KANK4: variants seen among roughly 807,000 people sequenced by gnomAD.
KANK4 encodes KN motif and ankyrin repeat domains 4.
A neutral mutation model predicts 80.8 loss-of-function variants in KANK4; 50 were observed. The ratio of observed to expected loss-of-function variants is 0.62; its 90% CI spans 0.49 to 0.78. The LOEUF (loss-of-function observed/expected upper bound fraction) is 0.78. KANK4 is among the 30% of genes least tolerant of loss of function. The pLI, the probability that KANK4 is intolerant of heterozygous loss-of-function variation, is 0.00. For missense variants in KANK4, 1,196 were observed against 1,240.1 expected, an observed-to-expected ratio of 0.96 and a Z score of 0.53; for synonymous variants, 465 against 506.9, an observed-to-expected ratio of 0.92 and a Z score of 1.11.
chr1:62,308,034 C>T (rs775347494), intron 1 of KANK4, among the ~76,000 whole-genome samples: 1 of 152,124 alleles, frequency 6.6e-6, no homozygotes, highest in Non-Finnish European at 1.5e-5. Flanking sequence ...CCCGTATCCA[C>T]CCTGTAGGAT....
chr1:62,284,905 T>G (rs1377685103), intron 1 of KANK4, among the ~76,000 whole-genome samples: 1 of 152,138 alleles, frequency 6.6e-6, no homozygotes, highest in Non-Finnish European at 1.5e-5. Context: ...CATGTCTAAC[T>G]CACGGCAGAC....
intron 1 of KANK4, among the ~76,000 whole-genome samples, chr1:62,286,363 T>C (rs776224479): frequency 3.9e-5 from 6 of 152,254 alleles, no homozygotes; most frequent in Non-Finnish European, 7.3e-5. Context: ...TCCCTGACCT[T>C]GCTGGAAAAG....
intron 6 of KANK4, 96 bp downstream of exon 6, chr1:62,266,636 T>C (rs1187074262): frequency 1.3e-6 from 1 of 779,498 alleles, no homozygotes; most frequent in Non-Finnish European, 2.3e-6. Flanking sequence ...CACCACTGCC[T>C]GCCTCACACC....
At chr1:62,272,717 G>A (rs1055396974) in intron 3 of KANK4, 6 of 152,268 alleles carry the variant, frequency 3.9e-5, no homozygotes, top group Admixed American at 3.3e-4. Flanking sequence ...GGCAAGAGTA[G>A]AGGTCCCGAG....
chr1:62,242,944 TG>T lies in KANK4; in HGVS notation c.2883+4527del, dbSNP rs531546612. Among the ~76,000 whole-genome samples, 100 of 152,300 alleles carry T rather than the reference TG, an allele frequency of 6.6e-4. 1 individual carries two copies. The highest frequency in any genetic ancestry group is 2.3e-3 in the African/African-American group (94 of 41,566). ...TGTCTCACCCTGTGGATGGAGACAC[TG>T]TGCTCCCCAAAGTCACCCTTGGGAA... On this transcript the variant is annotated intron_variant, in intron 9 of 9. Transcript: ENST00000371153.
chr1:62,241,569 G>A (rs1271210901), intron 9 of KANK4, among the ~76,000 whole-genome samples: 1 of 152,224 alleles, frequency 6.6e-6, no homozygotes, highest in African/African-American at 2.4e-5. Context: ...CTGGCCCAGG[G>A]CCTGGCATTT....
At chr1:62,270,888 G>A (rs183981488) in intron 4 of KANK4, among the ~76,000 whole-genome samples, 16 of 152,276 alleles carry the variant, frequency 1.1e-4, no homozygotes, top group African/African-American at 2.9e-4. Context: ...GCTAAAGGCA[G>A]AGACCTTTAT....
At chr1:62,250,381 C>T (rs1297444766) in intron 8 of KANK4, among the ~76,000 whole-genome samples, 2 of 152,222 alleles carry the variant, frequency 1.3e-5, no homozygotes, top group African/African-American at 4.8e-5. Flanking sequence ...CATTGTCCTC[C>T]CGGTCCCTTT....
intron 1 of KANK4, among the ~76,000 whole-genome samples, chr1:62,302,262 G>A (rs937239211): frequency 6.6e-6 from 1 of 151,930 alleles, no homozygotes; most frequent in African/African-American, 2.4e-5. Flanking sequence ...TGGGAAAGGC[G>A]AGCATGTTTG....
intron 2 of KANK4, among the ~76,000 whole-genome samples, chr1:62,278,240 G>C (rs1364225695): frequency 6.6e-6 from 1 of 152,058 alleles, no homozygotes; most frequent in Non-Finnish European, 1.5e-5. Flanking sequence ...GTTAAGGTGA[G>C]AGGAGCTCAA....
At chr1:62,283,291 G>A (rs1672491481) in intron 1 of KANK4, among the ~76,000 whole-genome samples, 1 of 152,140 alleles carries the variant, frequency 6.6e-6, no homozygotes, top group Admixed American at 6.5e-5. Context: ...AGAGCTGGGA[G>A]TACTTGACAT....
intron 1 of KANK4, among the ~76,000 whole-genome samples, chr1:62,305,238 A>G (rs1367847629): frequency 6.6e-6 from 1 of 152,240 alleles, no homozygotes; most frequent in Non-Finnish European, 1.5e-5. Flanking sequence ...CTGCAGCTGA[A>G]TAAATAAAAG....
chr1:62,261,754 T>G (rs1240747278), intron 7 of KANK4, among the ~76,000 whole-genome samples: 4 of 152,162 alleles, frequency 2.6e-5, no homozygotes, highest in Non-Finnish European at 4.4e-5. Context: ...CCAACCTTAA[T>G]TCCCATCCCA....
chr1:62,280,382 G>A lies in KANK4; in HGVS notation c.16+1167C>T, dbSNP rs142079936. On this transcript the variant is annotated intron_variant, in intron 2 of 9. Coordinates refer to ENST00000371153, the MANE Select transcript of KANK4 (RefSeq NM_181712.5). ...GAGGCAGCTGGGCTAACAGGCCCCC[G>A]GAGCTTTGAGGGAATGAGTGGGTGT... Among the ~76,000 whole-genome samples the A allele has an allele frequency of 3.2e-3, 485 of 152,294 alleles. 1 individual carries two copies. Among genetic ancestry groups the A allele is most frequent in the African/African-American group, 0.011 (471 of 41,568 alleles).
At chr1:62,238,588 C>A (rs1226594465) in intron 9 of KANK4, among the ~76,000 whole-genome samples, 1 of 151,586 alleles carries the variant, frequency 6.6e-6, no homozygotes, top group Non-Finnish European at 1.5e-5. Flanking sequence ...CCTGGGAAAT[C>A]TGTGACAACA....
At chr1:62,265,972 AG>A (rs1198869517) in intron 6 of KANK4, among the ~76,000 whole-genome samples, 1 of 152,210 alleles carries the variant, frequency 6.6e-6, no homozygotes, top group African/African-American at 2.4e-5. Context: ...GAAGAAACAG[AG>A]GCCCTGAGCA....
chr1:62,294,322 T>C (rs1304609884), intron 1 of KANK4, among the ~76,000 whole-genome samples: 3 of 152,308 alleles, frequency 2.0e-5, no homozygotes, highest in African/African-American at 7.2e-5. Flanking sequence ...TCAGCTCCAC[T>C]TCCTCCCTCC....
intron 1 of KANK4, among the ~76,000 whole-genome samples, chr1:62,306,771 T>G (rs1644455074): frequency 6.6e-6 from 1 of 152,032 alleles, no homozygotes; most frequent in Admixed American, 6.6e-5. Flanking sequence ...GGCCACCCCC[T>G]CCAACATACA....
chr1:62,309,218 G>A (rs1159359746), intron 1 of KANK4, among the ~76,000 whole-genome samples: 3 of 152,310 alleles, frequency 2.0e-5, no homozygotes, highest in African/African-American at 7.2e-5. Flanking sequence ...ATGACAGAAG[G>A]GTTGACAGAG....
Sources: allele counts gnomAD v4.1 joint callset (sites outside exome capture counted in the v4.1 genomes callset), GRCh38; gene constraint gnomAD v4.1.1; transcripts MANE v1.5; gene names NCBI Gene and HGNC (gene_info 2026-07-23, HGNC 2026-07-21).